The following ARB2A variants were observed in gnomAD, a reference collection of about 807,000 sequenced individuals.
The protein encoded by ARB2A is cotranscriptional regulator ARB2A.
At chr5:94,100,551 C>CA in the ARB2A span, among the ~76,000 whole-genome samples, 13 of 152,138 alleles carry the variant, frequency 8.5e-5, no homozygotes, top group African/African-American at 1.2e-4. Context: ...TACAAGGCTA[C>CA]AGGGACCAAA....
chr5:93,804,078 A>G, the ARB2A span, among the ~76,000 whole-genome samples: 1 of 152,028 alleles, frequency 6.6e-6, no homozygotes, highest in Non-Finnish European at 1.5e-5. Flanking sequence ...CATCTCAAAG[A>G]GTTTGGAAAT....
At chr5:93,861,717 A>G in the ARB2A span, 1 of 152,238 alleles carries the variant, frequency 6.6e-6, no homozygotes, top group Non-Finnish European at 1.5e-5. Flanking sequence ...GCTGCAAAAT[A>G]TAAGTTACAC....
chr5:93,933,296 G>A, the ARB2A span, among the ~76,000 whole-genome samples: 4 of 152,236 alleles, frequency 2.6e-5, no homozygotes, highest in East Asian at 7.7e-4. Context: ...GCTATCCCAT[G>A]ACTGGGTATA....
the ARB2A span, among the ~76,000 whole-genome samples, chr5:94,068,617 T>A: frequency 6.6e-6 from 1 of 152,176 alleles, no homozygotes; most frequent in Non-Finnish European, 1.5e-5. Flanking sequence ...TTTGACTATT[T>A]CTTTACCTCC....
the ARB2A span, among the ~76,000 whole-genome samples, chr5:94,041,543 TTAAA>T: frequency 6.6e-6 from 1 of 152,210 alleles, no homozygotes; most frequent in Admixed American, 6.5e-5. Context: ...AGAGCTTAAA[TTAAA>T]TACATTGTCA....
the ARB2A span, among the ~76,000 whole-genome samples, chr5:93,891,717 C>T: frequency 6.6e-6 from 1 of 152,064 alleles, no homozygotes; most frequent in South Asian, 2.1e-4. Context: ...ATTGTCCAAT[C>T]GTCCACAGCA....
chr5:93,635,631 G>A, the ARB2A span, among the ~76,000 whole-genome samples: 2 of 151,802 alleles, frequency 1.3e-5, no homozygotes, highest in Non-Finnish European at 2.9e-5. Context: ...GTAGAGACAG[G>A]GTTTCACCAT....
the ARB2A span, among the ~76,000 whole-genome samples, chr5:94,007,786 A>G: frequency 6.6e-6 from 1 of 151,888 alleles, no homozygotes; most frequent in African/African-American, 2.4e-5. Context: ...AAAAAAAAAA[A>G]AAAAAGACAC....
the ARB2A span, among the ~76,000 whole-genome samples, chr5:93,975,694 T>A: frequency 6.6e-6 from 1 of 151,968 alleles, no homozygotes; most frequent in Non-Finnish European, 1.5e-5. Flanking sequence ...AGGAAATGGA[T>A]ACATTCCCTG....
chr5:93,706,590 G>A, the ARB2A span, among the ~76,000 whole-genome samples: 7 of 152,000 alleles, frequency 4.6e-5, no homozygotes, highest in Admixed American at 1.3e-4. Flanking sequence ...CCAGGAGGCC[G>A]GGCACGGTGG....
chr5:94,063,507 C>G, the ARB2A span, among the ~76,000 whole-genome samples: 1 of 152,150 alleles, frequency 6.6e-6, no homozygotes, highest in African/African-American at 2.4e-5. Context: ...CTGGCCTGAC[C>G]CACTGGTGCC....
chr5:93,718,600 A>G, the ARB2A span, among the ~76,000 whole-genome samples: 14 of 152,190 alleles, frequency 9.2e-5, no homozygotes, highest in Admixed American at 7.9e-4. Context: ...ACAGTCATAC[A>G]TAATCCCCAG....
At chr5:94,015,636 G>A in the ARB2A span, among the ~76,000 whole-genome samples, 36 of 152,116 alleles carry the variant, frequency 2.4e-4, no homozygotes, top group Middle Eastern at 6.8e-3. Flanking sequence ...TGTAAATTGA[G>A]GCAATTAAAA....
At chr5:93,856,687 AT>A in the ARB2A span, among the ~76,000 whole-genome samples, 3 of 151,822 alleles carry the variant, frequency 2.0e-5, no homozygotes, top group South Asian at 6.3e-4. Context: ...ATTCAGCTAA[AT>A]TTTTTTCAAA....
the ARB2A span, among the ~76,000 whole-genome samples, chr5:93,617,841 AACT>A: frequency 6.6e-6 from 1 of 152,192 alleles, no homozygotes; most frequent in African/African-American, 2.4e-5. Context: ...TATTAAAAAC[AACT>A]GTCTTAGAAA....
At chr5:93,696,122 C>T in the ARB2A span, among the ~76,000 whole-genome samples, 35 of 152,136 alleles carry the variant, frequency 2.3e-4, no homozygotes, top group Admixed American at 5.9e-4. Flanking sequence ...CACCGTGGCA[C>T]GTGTATACCT....
chr5:93,831,712 C>A, the ARB2A span, among the ~76,000 whole-genome samples: 1 of 152,154 alleles, frequency 6.6e-6, no homozygotes, highest in African/African-American at 2.4e-5. Context: ...GCCGGCCAGG[C>A]CCATCCATGA....
At chr5:93,869,603 C>T in the ARB2A span, among the ~76,000 whole-genome samples, 1 of 152,052 alleles carries the variant, frequency 6.6e-6, no homozygotes, top group African/African-American at 2.4e-5. Context: ...AGATGATGGC[C>T]TGAAGCAACT....
At chr5:93,823,007 A>G in the ARB2A span, among the ~76,000 whole-genome samples, 4 of 152,168 alleles carry the variant, frequency 2.6e-5, no homozygotes, top group African/African-American at 7.2e-5. Flanking sequence ...AATATATTCA[A>G]TTTCCATGTC....
Sources: allele counts gnomAD v4.1 joint callset (sites outside exome capture counted in the v4.1 genomes callset), GRCh38; gene constraint gnomAD v4.1.1; transcripts MANE v1.5; gene names NCBI Gene and HGNC (gene_info 2026-07-23, HGNC 2026-07-21).